Variants in COLEC12 observed in about 807,000 individuals in gnomAD.
The protein encoded by COLEC12 is collectin subfamily member 12.
A neutral mutation model predicts 71.1 loss-of-function variants in COLEC12; 33 were observed. The ratio of observed to expected loss-of-function variants is 0.46; its 90% CI spans 0.35 to 0.62. COLEC12 has a LOEUF of 0.62. Ranked by LOEUF, COLEC12 falls within the 20% of genes least tolerant of loss-of-function variation. The pLI is 0.00. For synonymous variants in COLEC12, 350 were observed against 353.0 expected, an observed-to-expected ratio of 0.99 and a Z score of 0.10; for missense variants, 765 against 916.1, an observed-to-expected ratio of 0.84 and a Z score of 2.13.
chr18:483,934 T>A (rs1372053803), intron 1 of COLEC12, among the ~76,000 whole-genome samples: 1 of 152,198 alleles, frequency 6.6e-6, no homozygotes, highest in Non-Finnish European at 1.5e-5. Flanking sequence ...GCCAGCTCTA[T>A]CCTTTCCACC....
chr18:461,815 T>C (rs1916988716), intron 2 of COLEC12, among the ~76,000 whole-genome samples: 1 of 152,136 alleles, frequency 6.6e-6, no homozygotes, highest in Non-Finnish European at 1.5e-5. Context: ...GTGACTACCA[T>C]ACTAGCAAGC....
chr18:451,034 C>A (rs111853050), intron 2 of COLEC12, among the ~76,000 whole-genome samples: 3,288 of 152,286 alleles, frequency 0.022, 121 homozygotes, highest in African/African-American at 0.074. Flanking sequence ...TACTAAGCAG[C>A]AAAACATTCA....
At position 399,700 on chromosome 18, in the gene COLEC12, G is replaced by A. The variant is rs144276066; in HGVS notation, c.59-42178C>T. Among the ~76,000 whole-genome samples the A allele has an allele frequency of 7.2e-5, 11 of 152,300 alleles. No individual in the cohort carries two copies. The highest frequency in any genetic ancestry group is 2.6e-4 in the African/African-American group (11 of 41,570). ...TACTTTGTGCTGTTACCTGTTGTTA[G>A]TTCAACGGGGATGCGGAATTTGGGG... is the stretch of plus-strand genomic sequence containing the variant. On this transcript the variant is annotated intron_variant, in intron 2 of 9. Transcript: ENST00000400256. The surrounding 1 kb of genome is among the most constrained non-coding windows in gnomAD (Gnocchi z 4.0).
At chr18:491,824 C>T (rs1249645965) in intron 1 of COLEC12, among the ~76,000 whole-genome samples, 1 of 152,160 alleles carries the variant, frequency 6.6e-6, no homozygotes, top group Non-Finnish European at 1.5e-5. Context: ...AGAAAGGTGT[C>T]CTTTTATCTT....
intron 3 of COLEC12, among the ~76,000 whole-genome samples, chr18:354,491 G>A (rs759959602): frequency 1.1e-4 from 16 of 152,322 alleles, no homozygotes; most frequent in African/African-American, 3.4e-4. Flanking sequence ...TCCTTCAGAG[G>A]AATGCCTTAT....
At chr18:428,541 A>T (rs1301153085) in intron 2 of COLEC12, among the ~76,000 whole-genome samples, 1 of 152,208 alleles carries the variant, frequency 6.6e-6, no homozygotes, top group African/African-American at 2.4e-5. Flanking sequence ...ATTATGCCTT[A>T]AAAAAGTCAT....
At chr18:341,019 G>A (rs889448165) in intron 5 of COLEC12, among the ~76,000 whole-genome samples, 1 of 152,196 alleles carries the variant, frequency 6.6e-6, no homozygotes, top group Non-Finnish European at 1.5e-5. Context: ...TGTAGCATGA[G>A]GGAGTGGTTG....
chr18:441,956 T>C (rs1916544088), intron 2 of COLEC12, among the ~76,000 whole-genome samples: 1 of 143,192 alleles, frequency 7.0e-6, no homozygotes, highest in African/African-American at 3.0e-5. Flanking sequence ...GCCGTGATCA[T>C]GCTACTACAC....
intron 2 of COLEC12, among the ~76,000 whole-genome samples, chr18:375,982 T>A (rs1226104830): frequency 6.6e-6 from 1 of 152,248 alleles, no homozygotes; most frequent in Non-Finnish European, 1.5e-5. Flanking sequence ...TATTACCATA[T>A]CCATCTTACA....
In COLEC12 at chr18:420,286, G is replaced by A. The variant is rs541659641; in HGVS notation, c.58+60421C>T. On this transcript the variant is annotated intron_variant, in intron 2 of 9. Coordinates refer to ENST00000400256, the MANE Select transcript of COLEC12 (RefSeq NM_130386.3). ...AATGTTTGATGGCAATGTAACACGT[G>A]TATCACTAAAATGAAATTTCAGCCC... 9.9e-5 allele frequency among the ~76,000 whole-genome samples: 15 copies of A among 152,282 alleles called. No homozygotes were observed. The South Asian group carries it at 2.9e-3, about 29-fold the overall frequency.
rs1480924297 is a variant in COLEC12 at position 372,672 on chromosome 18, C to T, written c.59-15150G>A. Reference sequence around the variant, plus strand: ...AGCTCAAGCGATCCACCTGCCTCGGCCTCCCAAAGTGCTGGGATTACAACA... The same window carrying T: ...AGCTCAAGCGATCCACCTGCCTCGGTCTCCCAAAGTGCTGGGATTACAACA... On this transcript the variant is annotated intron_variant, in intron 2 of 9. Coordinates refer to ENST00000400256, the MANE Select transcript of COLEC12 (RefSeq NM_130386.3). Among the ~76,000 whole-genome samples, 3 of 152,192 alleles carry T rather than the reference C, an allele frequency of 2.0e-5. No homozygotes were observed. The East Asian group carries it at 5.8e-4, about 29-fold the overall frequency.
intron 2 of COLEC12, among the ~76,000 whole-genome samples, chr18:386,145 G>A (rs1464990239): frequency 1.3e-5 from 2 of 152,144 alleles, no homozygotes; most frequent in African/African-American, 4.8e-5. Context: ...GAGGGATGGT[G>A]CCTTCAGGAA....
chr18:423,572 T>C (rs1916140034), intron 2 of COLEC12, among the ~76,000 whole-genome samples: 1 of 152,162 alleles, frequency 6.6e-6, no homozygotes, highest in Non-Finnish European at 1.5e-5. Flanking sequence ...AATGCCTTCC[T>C]AGAAAAATCT....
chr18:481,739 C>A (rs549614014), intron 1 of COLEC12, among the ~76,000 whole-genome samples: 1 of 152,092 alleles, frequency 6.6e-6, no homozygotes, highest in Non-Finnish European at 1.5e-5. Context: ...GTTTTATCAC[C>A]CAACCTTTCT....
intron 1 of COLEC12, among the ~76,000 whole-genome samples, chr18:486,082 C>T (rs1917513606): frequency 6.6e-6 from 1 of 152,216 alleles, no homozygotes; most frequent in Non-Finnish European, 1.5e-5. Context: ...AAGTCTTTCC[C>T]TTTTTGCATA....
chr18:339,522 G>A (rs1028963950), intron 5 of COLEC12, among the ~76,000 whole-genome samples: 6 of 139,430 alleles, frequency 4.3e-5, no homozygotes, highest in South Asian at 2.4e-4. Flanking sequence ...TTCTACTTGT[G>A]ATTGACTTCC....
At chr18:428,369 A>G (rs1027338120) in intron 2 of COLEC12, among the ~76,000 whole-genome samples, 3 of 152,218 alleles carry the variant, frequency 2.0e-5, no homozygotes, top group African/African-American at 7.2e-5. Flanking sequence ...AAACAGAAAA[A>G]GTCCTTGTTC....
rs1913561758 is a variant in COLEC12, at chr18:316,901, G to A, written c.*3144C>T. 2.0e-5 allele frequency: 3 copies of A among 151,994 alleles called. No homozygotes were observed. The highest frequency in any genetic ancestry group is 2.0e-4 in the Admixed American group (3 of 15,224). The allele number at this position is 151,994 out of a possible 1,614,324, so 9.4% of individuals were successfully genotyped here. On this transcript the variant is annotated 3_prime_UTR_variant, in exon 10 of 10. Coordinates refer to ENST00000400256, the MANE Select transcript of COLEC12 (RefSeq NM_130386.3). ...TTTACTAAAACTCTCCACTCCAAAAGAGCATCAGTTGTGTGTAGGTGAATA... is the reference window on the plus strand; with the variant it reads ...TTTACTAAAACTCTCCACTCCAAAAAAGCATCAGTTGTGTGTAGGTGAATA...
intron 2 of COLEC12, among the ~76,000 whole-genome samples, chr18:459,598 GCCCCAGC>G (rs1916938376): frequency 6.6e-6 from 1 of 152,206 alleles, no homozygotes; most frequent in African/African-American, 2.4e-5. Context: ...ACATCAAGGG[GCCCCAGC>G]GCAGCTTTCT....
Sources: gnomAD v4.1 joint callset for allele counts (sites outside exome capture counted in the v4.1 genomes callset) on GRCh38, gnomAD v4.1.1 for gene constraint, Gnocchi (gnomAD v3.1) non-coding constraint, MANE v1.5 for transcripts, NCBI Gene and HGNC (gene_info 2026-07-23, HGNC 2026-07-21) for gene names.